SCAI: variants seen among roughly 807,000 people sequenced by gnomAD.
The protein encoded by SCAI is suppressor of cancer cell invasion, also known as protein SCAI.
SCAI carries 24 observed loss-of-function variants against 92.2 expected under a neutral mutation model. The ratio of observed to expected loss-of-function variants is 0.26; its 90% confidence interval spans 0.19 to 0.37. The LOEUF is 0.37. Ranked by LOEUF, SCAI falls within the 10% of genes least tolerant of loss-of-function variation. The pLI is 1.00. For missense variants in SCAI, 450 were observed against 736.2 expected (o/e 0.61, Z 4.50); for synonymous variants, 261 against 258.6 (o/e 1.01, Z -0.09).
chr9:125,032,224 T>TA (rs1197307354), intron 3 of SCAI, among the ~76,000 whole-genome samples: 15 of 138,756 alleles, frequency 1.1e-4, no homozygotes, highest in African/African-American at 4.1e-4. Flanking sequence ...ATGGAGTCTC[T>TA]ATCTGTCACC....
chr9:124,986,696 T>A (rs1831998593), intron 14 of SCAI, among the ~76,000 whole-genome samples: 2 of 152,170 alleles, frequency 1.3e-5, no homozygotes, highest in Admixed American at 1.3e-4. Flanking sequence ...CCAATAGATT[T>A]AAGCCAAACC....
At chr9:125,038,870 A>G (rs1227476793) in intron 3 of SCAI, among the ~76,000 whole-genome samples, 1 of 152,190 alleles carries the variant, frequency 6.6e-6, no homozygotes, top group African/African-American at 2.4e-5. Context: ...GCTTTCCTGA[A>G]CATCTTTCTT....
At chr9:125,063,439 G>A (rs1337660718) in intron 2 of SCAI, among the ~76,000 whole-genome samples, 2 of 150,220 alleles carry the variant, frequency 1.3e-5, no homozygotes, top group Non-Finnish European at 3.0e-5. Context: ...GGAAGGCAAA[G>A]AGTGTAACAG....
rs869167558 is a variant in SCAI, at chr9:125,004,779, A to ATTT, written c.862-1212_862-1210dup. Among the ~76,000 whole-genome samples the ATTT allele has an allele frequency of 6.8e-4, 9 of 13,162 alleles. 1 individual carries two copies. Among genetic ancestry groups the ATTT allele is most frequent in the Admixed American group, 2.6e-3 (2 of 772 alleles). The allele number at this position is 13,162 out of a possible 152,430, so 8.6% of individuals were successfully genotyped here. A position where few individuals can be genotyped will look rare whatever the true frequency, so the allele number is the denominator to read the frequency against. ...TATATATATATATATATATATATATATTTTTTTTTTTTTTTTTTTTTTTTT... is the reference window on the plus strand; with the variant it reads ...TATATATATATATATATATATATATATTTTTTTTTTTTTTTTTTTTTTTTTTTT... On this transcript the variant is annotated intron_variant, in intron 9 of 17. Coordinates refer to ENST00000336505, the MANE Select transcript of SCAI (RefSeq NM_001144877.3).
Position 124,945,213 on chromosome 9 carries a change from G to C in SCAI, c.*7594C>G, listed in dbSNP as rs1831127202. The C allele has an allele frequency of 6.6e-6, 1 of 152,052 alleles. No individual in the cohort carries two copies. Among genetic ancestry groups the C allele is most frequent in the South Asian group, 2.1e-4 (1 of 4,830 alleles). 9.4% of individuals were successfully genotyped at this position (152,052 alleles called of 1,614,324 possible). A position where few individuals can be genotyped will look rare whatever the true frequency, so the allele number is the denominator to read the frequency against. On this transcript the variant is annotated 3_prime_UTR_variant, in exon 18 of 18. Coordinates refer to ENST00000336505, the MANE Select transcript of SCAI (RefSeq NM_001144877.3). Reference sequence around the variant, plus strand: ...TAAAAAAACTGAGTCTATTGTCCAAGTATGTTTAAACATGGCACTGGTTAA... The same window carrying C: ...TAAAAAAACTGAGTCTATTGTCCAACTATGTTTAAACATGGCACTGGTTAA...
chr9:125,132,267 C>T lies in SCAI; in HGVS notation c.98+10366G>A, dbSNP rs535837846. The stretch of plus-strand genomic sequence containing the variant: ...TAGCTGGGATTACAGGCACGTACCA[C>T]CACGCCTGGCTAGTTTTTGTATTTC... On this transcript the variant is annotated intron_variant, in intron 2 of 17. Coordinates refer to ENST00000336505, the MANE Select transcript of SCAI (RefSeq NM_001144877.3). Among the ~76,000 whole-genome samples the T allele has an allele frequency of 3.3e-5, 5 of 152,202 alleles. No individual in the cohort carries two copies. In the East Asian group the frequency reaches 9.7e-4, roughly 29 times the overall value.
intron 2 of SCAI, among the ~76,000 whole-genome samples, chr9:125,076,040 GCAACAGTGGC>G (rs1834084425): frequency 6.6e-6 from 1 of 152,124 alleles, no homozygotes; most frequent in African/African-American, 2.4e-5. Flanking sequence ...AAAGATGAGA[GCAACAGTGGC>G]CAACAGTCTG....
intron 9 of SCAI, among the ~76,000 whole-genome samples, chr9:125,004,432 G>A (rs1195596089): frequency 2.7e-5 from 4 of 150,180 alleles, no homozygotes; most frequent in East Asian, 2.0e-4. Flanking sequence ...GTGTTCAAAC[G>A]ATTCTCCTGC....
chr9:125,012,105 A>G (rs897833163), intron 9 of SCAI, among the ~76,000 whole-genome samples: 42 of 152,356 alleles, frequency 2.8e-4, no homozygotes, highest in African/African-American at 9.9e-4. Flanking sequence ...CATCGAGGCT[A>G]GGAAGAAACT....
chr9:125,010,294 A>T (rs1832607541), intron 9 of SCAI, among the ~76,000 whole-genome samples: 1 of 152,220 alleles, frequency 6.6e-6, no homozygotes. Flanking sequence ...AAGGAGTGAC[A>T]GATGGCACCT....
intron 2 of SCAI, among the ~76,000 whole-genome samples, chr9:125,102,564 C>T (rs918485328): frequency 2.0e-5 from 3 of 151,470 alleles, no homozygotes; most frequent in Non-Finnish European, 2.9e-5. Context: ...TTCAAACATG[C>T]CAATTTTTTC....
intron 17 of SCAI, among the ~76,000 whole-genome samples, chr9:124,965,496 A>G (rs1394219624): frequency 6.6e-6 from 1 of 152,156 alleles, no homozygotes; most frequent in African/African-American, 2.4e-5. Flanking sequence ...TGGCCTCCCA[A>G]AGTGCTGGGA....
intron 2 of SCAI, among the ~76,000 whole-genome samples, chr9:125,109,874 G>T (rs1365035201): frequency 6.6e-6 from 1 of 152,128 alleles, no homozygotes; most frequent in African/African-American, 2.4e-5. Flanking sequence ...TTTTAGTAGA[G>T]ATGGGGTTTC....
chr9:125,073,661 A>G (rs1834027347), intron 2 of SCAI, among the ~76,000 whole-genome samples: 1 of 152,210 alleles, frequency 6.6e-6, no homozygotes, highest in African/African-American at 2.4e-5. Flanking sequence ...CTTTGGAGCA[A>G]TGTCTATCCT....
chr9:125,089,968 T>A (rs944149788), intron 2 of SCAI, among the ~76,000 whole-genome samples: 1 of 152,196 alleles, frequency 6.6e-6, no homozygotes, highest in African/African-American at 2.4e-5. Flanking sequence ...TAATGAGTGC[T>A]GGGAAATAAA....
intron 2 of SCAI, among the ~76,000 whole-genome samples, chr9:125,121,319 C>T (rs2131249309): frequency 6.7e-6 from 1 of 149,014 alleles, no homozygotes; most frequent in Admixed American, 6.8e-5. Context: ...ATGAATCAAA[C>T]CTCTGGGGCA....
At chr9:125,105,549 C>G (rs1834758564) in intron 2 of SCAI, among the ~76,000 whole-genome samples, 2 of 152,164 alleles carry the variant, frequency 1.3e-5, no homozygotes, top group Non-Finnish European at 2.9e-5. Context: ...CTTTAAAGTC[C>G]TTCAGGTTCC....
intron 2 of SCAI, among the ~76,000 whole-genome samples, chr9:125,072,031 T>TC (rs1833988066): frequency 6.6e-6 from 1 of 151,524 alleles, no homozygotes; most frequent in South Asian, 2.1e-4. Context: ...AGATAGTCTT[T>TC]TTTTTTTTTT....
intron 2 of SCAI, among the ~76,000 whole-genome samples, chr9:125,103,881 T>C (rs1310024708): frequency 1.3e-5 from 2 of 152,232 alleles, no homozygotes; most frequent in Admixed American, 1.3e-4. Flanking sequence ...TAGTGTTATA[T>C]AATTCATCTC....
Sources: allele counts gnomAD v4.1 joint callset (sites outside exome capture counted in the v4.1 genomes callset), GRCh38; gene constraint gnomAD v4.1.1; transcripts MANE v1.5; gene names NCBI Gene and HGNC (gene_info 2026-07-23, HGNC 2026-07-21).